The following NAV1 variants were observed in gnomAD, a reference collection of about 807,000 sequenced individuals.
NAV1 encodes the protein pore membrane and/or filament interacting like protein 3.
A neutral mutation model predicts 175.2 loss-of-function variants in NAV1; 18 were observed. The observed-to-expected ratio is 0.10, with a 90% CI of 0.07 to 0.15. The LOEUF is 0.15. Among genes scored for constraint, NAV1 ranks in the 10% least tolerant of loss-of-function variants. The probability of loss-of-function intolerance (pLI) is 1.00; values close to 1 mark genes in which losing one functional copy is unlikely to be tolerated. For missense variants in NAV1, 1,731 were observed against 2,436.6 expected (o/e 0.71, Z 6.10); for synonymous variants, 897 against 978.7 (o/e 0.92, Z 1.56).
At chr1:201,818,042 G>A (rs1679169372) in intron 29 of NAV1, among the ~76,000 whole-genome samples, 5 of 151,998 alleles carry the variant, frequency 3.3e-5, no homozygotes, top group Admixed American at 3.3e-4. Flanking sequence ...ACCAACCTGG[G>A]CAACATACTG....
At chr1:201,552,660 G>A (rs1018249141) in intron 1 of NAV1, among the ~76,000 whole-genome samples, 5 of 152,138 alleles carry the variant, frequency 3.3e-5, no homozygotes, top group Non-Finnish European at 7.4e-5. Context: ...AGCACCCTCT[G>A]GCCTAGAGCC....
Position 201,808,769 on chromosome 1 carries a change from T to A in NAV1, c.4105T>A (p.Ser1369Thr), listed in dbSNP as rs200230539. The A allele has an allele frequency of 6.1e-5, 99 of 1,614,022 alleles. No individual in the cohort carries two copies. Among genetic ancestry groups the A allele is most frequent in the Non-Finnish European group, 1.6e-5 (19 of 1,180,052 alleles). Residue 1369 changes from serine to threonine, a missense_variant, in exon 20 of 30, where the codon TCC becomes ACC. Coordinates refer to ENST00000367296, the Ensembl canonical transcript of NAV1. The surrounding 1 kb of genome is among the most constrained non-coding windows in gnomAD (Gnocchi z 5.5). ...GGTAGCCCCAGGCCCCTCATCAGGC[T>A]CCACTCCAGGGCAGGTCCCTGGATC... is the stretch of plus-strand genomic sequence containing the variant.
chr1:201,633,857 G>T (rs1668543524), intron 2 of NAV1, among the ~76,000 whole-genome samples: 1 of 152,218 alleles, frequency 6.6e-6, no homozygotes, highest in Non-Finnish European at 1.5e-5. Flanking sequence ...GCTGTTGTGG[G>T]GCAGAGGTGG....
At chr1:201,617,876 A>G (rs1424818632) in intron 2 of NAV1, among the ~76,000 whole-genome samples, 1 of 152,236 alleles carries the variant, frequency 6.6e-6, no homozygotes, top group Non-Finnish European at 1.5e-5. Flanking sequence ...CTCAGACAGA[A>G]TATGAGGCAG....
chr1:201,642,537 C>CTTTTTCTTTT (rs778683230), intron 2 of NAV1, among the ~76,000 whole-genome samples: 30 of 105,618 alleles, frequency 2.8e-4, no homozygotes, highest in East Asian at 8.8e-4. Context: ...TTCTTTCTTT[C>CTTTTTCTTTT]TTTCTTTCTT....
intron 3 of NAV1, among the ~76,000 whole-genome samples, chr1:201,774,400 T>TA (rs1284982814): frequency 2.0e-5 from 3 of 152,192 alleles, no homozygotes; most frequent in Non-Finnish European, 2.9e-5. Flanking sequence ...CAAACTCTTC[T>TA]AAAGACATTC....
At chr1:201,568,349 A>G (rs1437951452) in intron 1 of NAV1, among the ~76,000 whole-genome samples, 1 of 152,164 alleles carries the variant, frequency 6.6e-6, no homozygotes, top group East Asian at 1.9e-4. Flanking sequence ...TGTAACACCC[A>G]AAGCCTATTT....
At chr1:201,712,963 G>C in intron 2 of NAV1, 44 bp downstream of exon 6, 1 of 1,468,702 alleles carries the variant, frequency 6.8e-7, no homozygotes, top group Non-Finnish European at 9.5e-7. Flanking sequence ...TGCCTTCCTG[G>C]CTCTCCACCC....
At chr1:201,776,692 G>A (rs187002409) in intron 3 of NAV1, among the ~76,000 whole-genome samples, 52 of 149,818 alleles carry the variant, frequency 3.5e-4, no homozygotes, top group Non-Finnish European at 3.4e-4. Flanking sequence ...GAAAATAAGA[G>A]AGAAATGTAG....
chr1:201,674,524 A>C (rs1302669470), intron 1 of NAV1, among the ~76,000 whole-genome samples: 2 of 152,152 alleles, frequency 1.3e-5, no homozygotes, highest in African/African-American at 4.8e-5. Context: ...GAAATACCAG[A>C]GGCTGGATAA....
At chr1:201,772,861 G>A (rs966040908) in intron 3 of NAV1, among the ~76,000 whole-genome samples, 14 of 152,066 alleles carry the variant, frequency 9.2e-5, no homozygotes, top group Non-Finnish European at 1.3e-4. Context: ...GTGAAACCCC[G>A]TCTCTACTAA....
At chr1:201,745,793 A>G (rs1457917831) in intron 3 of NAV1, among the ~76,000 whole-genome samples, 2 of 152,184 alleles carry the variant, frequency 1.3e-5, no homozygotes, top group African/African-American at 2.4e-5. Context: ...AGAGCTGCTA[A>G]TGAGGTTCCC....
intron 1 of NAV1, among the ~76,000 whole-genome samples, chr1:201,549,092 T>TTTCC (rs1665756850): frequency 7.8e-6 from 1 of 128,876 alleles, no homozygotes; most frequent in African/African-American, 2.7e-5. Flanking sequence ...TCTTTCTTTC[T>TTTCC]TTCTTTCTTT....
At chr1:201,784,627 T>C (rs1676584008) in intron 7 of NAV1, among the ~76,000 whole-genome samples, 1 of 149,962 alleles carries the variant, frequency 6.7e-6, no homozygotes, top group African/African-American at 2.5e-5. Flanking sequence ...GACTCAAAAC[T>C]CCTTGGCTTA....
chr1:201,749,772 A>T (rs1033194022), intron 3 of NAV1, among the ~76,000 whole-genome samples: 16 of 152,242 alleles, frequency 1.1e-4, no homozygotes, highest in African/African-American at 3.9e-4. Flanking sequence ...ATGGTGACAC[A>T]TACCTGTGGT....
Position 201,813,284 on chromosome 1 carries a change from C to A in NAV1, c.5340+26C>A. On this transcript the variant is annotated intron_variant, in intron 28 of 29. Coordinates refer to ENST00000367296, the Ensembl canonical transcript of NAV1. This position sits in a 1 kb window ranked among gnomAD's most constrained non-coding sequence, Gnocchi z 4.2. Reference sequence around the variant, plus strand: ...GTGAGCCCTACCCCCTTCACTCAAACCCTAAGATCAGGCTGTCCTACCTAA... The same window carrying A: ...GTGAGCCCTACCCCCTTCACTCAAAACCTAAGATCAGGCTGTCCTACCTAA... 2 of 1,452,746 alleles carry A rather than the reference C, an allele frequency of 1.4e-6. No homozygotes were observed. The highest frequency in any genetic ancestry group is 9.6e-7 in the Non-Finnish European group (1 of 1,037,352). The allele number at this position is 1,452,746 out of a possible 1,614,324, so 90.0% of individuals were successfully genotyped here.
chr1:201,578,715 G>A (rs1219823328), intron 1 of NAV1, among the ~76,000 whole-genome samples: 8 of 152,170 alleles, frequency 5.3e-5, no homozygotes, highest in South Asian at 4.1e-4. Context: ...CTTGCCCTTC[G>A]CTGCCCTGGA....
chr1:201,770,694 T>C (rs1675518437), intron 3 of NAV1, among the ~76,000 whole-genome samples: 1 of 151,966 alleles, frequency 6.6e-6, no homozygotes, highest in Non-Finnish European at 1.5e-5. Context: ...AAGGAGAAAA[T>C]AGCTGAATTT....
intron 5 of NAV1, 78 bp downstream of exon 9, chr1:201,781,387 C>T: frequency 7.2e-7 from 1 of 1,380,524 alleles, no homozygotes; most frequent in Non-Finnish European, 9.7e-7. Flanking sequence ...GTCATTAACC[C>T]ATAGGATGAT....
Sources: allele counts gnomAD v4.1 joint callset (sites outside exome capture counted in the v4.1 genomes callset), GRCh38; gene constraint gnomAD v4.1.1; non-coding constraint Gnocchi (gnomAD v3.1); transcripts MANE v1.5; gene names NCBI Gene and HGNC (gene_info 2026-07-23, HGNC 2026-07-21).